Variants in KANSL3 observed in about 807,000 individuals in gnomAD.
The protein encoded by KANSL3 is KAT8 regulatory NSL complex subunit 3.
Under a neutral mutation model 89.2 loss-of-function variants are expected in KANSL3, and 16 were observed. The ratio of observed to expected loss-of-function variants is 0.18; its 90% CI spans 0.12 to 0.27. KANSL3 has a LOEUF of 0.27. KANSL3 is among the 10% of genes least tolerant of loss of function. KANSL3 has a pLI of 1.00. For missense variants in KANSL3, 879 were observed against 1,110.6 expected, an observed-to-expected ratio of 0.79 and a Z score of 2.96; for synonymous variants, 385 against 419.7, an observed-to-expected ratio of 0.92 and a Z score of 1.01.
intron 5 of KANSL3, chr2:96,615,495 G>A (rs942644408): frequency 2.3e-6 from 3 of 1,285,056 alleles, no homozygotes; most frequent in African/African-American, 3.0e-5. Flanking sequence ...TGCTTACACT[G>A]AGAAGAAATA....
intron 20 of KANSL3, chr2:96,600,589 A>G (rs2067035005): frequency 1.0e-6 from 1 of 985,288 alleles, no homozygotes; most frequent in East Asian, 1.1e-4. Context: ...GACATGGTGG[A>G]AAGGACAGGG....
chr2:96,601,023 A>C, intron 20 of KANSL3: 2 of 430,090 alleles, frequency 4.7e-6, no homozygotes, highest in Non-Finnish European at 6.2e-6. Flanking sequence ...GCGGTGGCTC[A>C]CACCTGTAAT....
intron 5 of KANSL3, among the ~76,000 whole-genome samples, chr2:96,618,961 C>T (rs1426026854): frequency 6.6e-6 from 1 of 152,222 alleles, no homozygotes; most frequent in Non-Finnish European, 1.5e-5. Flanking sequence ...GAAGGCATCA[C>T]GGCACGTTCC....
chr2:96,599,920 G>A (rs2066944253), intron 20 of KANSL3: 1 of 152,294 alleles, frequency 6.6e-6, no homozygotes. Context: ...GGCAGTTAGT[G>A]AGCAGCTGCC....
chr2:96,591,023 A>AAAACC (rs988420688), downstream of KANSL3, among the ~76,000 whole-genome samples: 2 of 151,612 alleles, frequency 1.3e-5, no homozygotes, highest in African/African-American at 2.4e-5. Flanking sequence ...AAAACAAAAC[A>AAAACC]AAACCACTGC....
chr2:96,616,245 G>A (rs1490808916), intron 5 of KANSL3, among the ~76,000 whole-genome samples: 5 of 152,212 alleles, frequency 3.3e-5, no homozygotes, highest in African/African-American at 7.2e-5. Flanking sequence ...CTAGAACTGT[G>A]AGCCACTCAA....
At chr2:96,589,884 C>A (rs922952652), downstream of KANSL3, among the ~76,000 whole-genome samples, 4 of 152,026 alleles carry the variant, frequency 2.6e-5, no homozygotes, top group Admixed American at 1.3e-4. Context: ...CGCAGTGGCT[C>A]ACACCTGTAA....
At chr2:96,588,406 T>A (rs2066254841), downstream of KANSL3, among the ~76,000 whole-genome samples, 1 of 152,068 alleles carries the variant, frequency 6.6e-6, no homozygotes, top group Admixed American at 6.5e-5. Context: ...TAATGAAAGG[T>A]AAAATTCAGA....
At chr2:96,584,578 A>AC in the KANSL3 span, among the ~76,000 whole-genome samples, 2 of 152,158 alleles carry the variant, frequency 1.3e-5, no homozygotes, top group African/African-American at 4.8e-5. Context: ...TACACTCCCT[A>AC]CTTCTATAAG....
At chr2:96,636,671 C>G (rs1276590280) in intron 2 of KANSL3, 1 of 411,076 alleles carries the variant, frequency 2.4e-6, no homozygotes, top group Non-Finnish European at 4.3e-6. Context: ...TTCCACACGT[C>G]CTACTATCTA....
intron 3 of KANSL3, among the ~76,000 whole-genome samples, chr2:96,625,019 G>A (rs1305242230): frequency 1.3e-5 from 2 of 152,028 alleles, no homozygotes; most frequent in East Asian, 3.9e-4. Context: ...AGACCAGCGT[G>A]GCTAACATGG....
At chr2:96,581,915 C>T in the KANSL3 span, among the ~76,000 whole-genome samples, 2 of 152,138 alleles carry the variant, frequency 1.3e-5, no homozygotes, top group African/African-American at 4.8e-5. Context: ...TTGTCTTTCA[C>T]CAAATATAAA....
At chr2:96,592,611 A>G (rs776417798), downstream of KANSL3, among the ~76,000 whole-genome samples, 4 of 152,206 alleles carry the variant, frequency 2.6e-5, no homozygotes, top group Admixed American at 1.3e-4. Flanking sequence ...CACAATGCAG[A>G]GTAGAAAAGA....
intron 3 of KANSL3, among the ~76,000 whole-genome samples, chr2:96,621,625 G>T (rs1417641107): frequency 6.6e-6 from 1 of 151,108 alleles, no homozygotes; most frequent in East Asian, 1.9e-4. Context: ...GTCCAGCCAG[G>T]GCAACATGTC....
intron 3 of KANSL3, among the ~76,000 whole-genome samples, chr2:96,625,334 T>C (rs1163158198): frequency 3.3e-5 from 5 of 152,260 alleles, no homozygotes; most frequent in South Asian, 2.1e-4. Flanking sequence ...CTAGCAATCA[T>C]GCTAATTTAT....
chr2:96,619,274 A>G, intron 5 of KANSL3, 85 bp downstream of exon 5: 1 of 1,310,908 alleles, frequency 7.6e-7, no homozygotes, highest in Non-Finnish European at 1.0e-6. Flanking sequence ...CCGACCAGAT[A>G]ATTACTTTGC....
rs558058898 is a variant in KANSL3, at chr2:96,612,552, T to G, written c.924A>C (p.Val308=). ...TGCCATTGTTCAGCAGATGGGTGGC[T>G]ACAGGGATGACCTGAAGGAAAGAAG... ...QLSCLGKVIP[V]ATHLLNNGSG... Residue 308 remains valine (V), a synonymous_variant, in exon 8 of 21, where the codon GTA becomes GTC. Transcript: ENST00000431828. 3.7e-6 allele frequency: 6 copies of G among 1,613,456 alleles called. No individual in the cohort carries two copies. The Admixed American group carries it at 1.0e-4, about 27-fold the overall frequency.
intron 5 of KANSL3, among the ~76,000 whole-genome samples, chr2:96,616,308 T>C (rs1269628197): frequency 6.6e-6 from 1 of 152,212 alleles, no homozygotes; most frequent in Non-Finnish European, 1.5e-5. Context: ...AACAGTAGTA[T>C]ATAGCTTTGA....
At chr2:96,612,678 G>A in intron 7 of KANSL3, 115 bp from the exon 8 acceptor site, 3 of 1,124,476 alleles carry the variant, frequency 2.7e-6, no homozygotes, top group Non-Finnish European at 3.9e-6. Context: ...AGGATTAGAG[G>A]AGGCTCCACA....
Sources: gnomAD v4.1 joint callset for allele counts (sites outside exome capture counted in the v4.1 genomes callset) on GRCh38, gnomAD v4.1.1 for gene constraint, MANE v1.5 for transcripts, NCBI Gene and HGNC (gene_info 2026-07-23, HGNC 2026-07-21) for gene names.